FNIP2: variants seen among roughly 807,000 people sequenced by gnomAD.
The protein encoded by FNIP2 is folliculin interacting protein 2.
In FNIP2, 32 loss-of-function variants were observed where a neutral mutation model predicts 108.7. That is an observed-to-expected ratio of 0.29 (90% CI 0.22 to 0.40). The LOEUF (loss-of-function observed/expected upper bound fraction) is 0.40, where lower values mean the gene tolerates loss of function less well. Ranked by LOEUF, FNIP2 falls within the 10% of genes least tolerant of loss-of-function variation. The pLI, the probability that FNIP2 is intolerant of heterozygous loss-of-function variation, is 1.00. For missense variants in FNIP2, 1,202 were observed against 1,381.6 expected, an observed-to-expected ratio of 0.87 and a Z score of 2.06; for synonymous variants, 480 against 496.7, an observed-to-expected ratio of 0.97 and a Z score of 0.45.
chr4:158,819,944 G>A (rs1263799351), intron 1 of FNIP2, among the ~76,000 whole-genome samples: 1 of 152,198 alleles, frequency 6.6e-6, no homozygotes, highest in Non-Finnish European at 1.5e-5. Context: ...GGGTTAAAGA[G>A]TGGTTGGAAA....
At chr4:158,830,693 A>G (rs184663217) in intron 3 of FNIP2, among the ~76,000 whole-genome samples, 2 of 152,310 alleles carry the variant, frequency 1.3e-5, no homozygotes, top group East Asian at 3.9e-4. Flanking sequence ...TTGGAAGAGT[A>G]TGTTAAGGGT....
At chr4:158,836,402 G>A (rs1336542948) in intron 7 of FNIP2, 1 of 152,136 alleles carries the variant, frequency 6.6e-6, no homozygotes, top group Non-Finnish European at 1.5e-5. Context: ...GTTTACATAT[G>A]TCACATAATG....
At chr4:158,830,607 G>A (rs1778426625) in intron 3 of FNIP2, among the ~76,000 whole-genome samples, 1 of 152,216 alleles carries the variant, frequency 6.6e-6, no homozygotes, top group African/African-American at 2.4e-5. Flanking sequence ...GCATAAGTAA[G>A]TGTGTATTTG....
chr4:158,806,785 A>G (rs1042377191), intron 1 of FNIP2, among the ~76,000 whole-genome samples: 1 of 152,166 alleles, frequency 6.6e-6, no homozygotes, highest in Non-Finnish European at 1.5e-5. Context: ...CAGCACAGTT[A>G]GTAGATGGGG....
rs556722267 is a variant in FNIP2 at position 158,805,265 on chromosome 4, G to A, written c.108-20651G>A. ...GACTAAGAAAAGGAAAAGAATTGGG[G>A]CAATCCCTTGTAGTTTTGTATGTAA... On this transcript the variant is annotated intron_variant, in intron 1 of 16. Transcript: ENST00000264433. 3.3e-4 allele frequency among the ~76,000 whole-genome samples: 50 copies of A among 152,308 alleles called. 1 individual carries two copies. The Middle Eastern group carries it at 0.031, about 93-fold the overall frequency.
At chr4:158,848,830 T>A (rs939302790) in intron 7 of FNIP2, among the ~76,000 whole-genome samples, 1 of 152,202 alleles carries the variant, frequency 6.6e-6, no homozygotes, top group Non-Finnish European at 1.5e-5. Flanking sequence ...GCAATTGTCA[T>A]ACTGAAGAAT....
intron 1 of FNIP2, among the ~76,000 whole-genome samples, chr4:158,801,915 A>G (rs988715501): frequency 2.6e-5 from 4 of 152,176 alleles, no homozygotes; most frequent in African/African-American, 9.7e-5. Flanking sequence ...CCAAGTATTG[A>G]CAGACTTGGT....
intron 3 of FNIP2, 89 bp from the exon 4 acceptor site, chr4:158,831,772 G>A (rs900595190): frequency 9.9e-6 from 8 of 806,642 alleles, no homozygotes; most frequent in Non-Finnish European, 1.6e-5. Context: ...AATCACCGAT[G>A]ACACTAACGA....
chr4:158,864,516 T>C (rs867250412), intron 12 of FNIP2, among the ~76,000 whole-genome samples: 6 of 152,184 alleles, frequency 3.9e-5, no homozygotes, highest in Non-Finnish European at 8.8e-5. Flanking sequence ...GCCTTTAAGA[T>C]ACTAAACTCT....
chr4:158,787,051 G>A (rs1776248527), intron 1 of FNIP2, among the ~76,000 whole-genome samples: 1 of 152,068 alleles, frequency 6.6e-6, no homozygotes, highest in Admixed American at 6.5e-5. Flanking sequence ...CATGACTTCA[G>A]GTAGCTGATC....
chr4:158,901,674 G>C (rs1237615912), intron 16 of FNIP2, among the ~76,000 whole-genome samples: 1 of 151,724 alleles, frequency 6.6e-6, no homozygotes, highest in East Asian at 1.9e-4. Flanking sequence ...TTTCTTGGAG[G>C]CTTTGTTCGT....
At chr4:158,791,266 CTTTTTTTTTT>C (rs199714823) in intron 1 of FNIP2, among the ~76,000 whole-genome samples, 1 of 98,050 alleles carries the variant, frequency 1.0e-5, no homozygotes, top group African/African-American at 4.0e-5. Flanking sequence ...ACTGAGGATC[CTTTTTTTTTT>C]TTTTTTTTTT....
At chr4:158,779,248 A>T (rs1775955918) in intron 1 of FNIP2, among the ~76,000 whole-genome samples, 1 of 152,260 alleles carries the variant, frequency 6.6e-6, no homozygotes, top group African/African-American at 2.4e-5. Flanking sequence ...ATGTTTGTGC[A>T]CAAAGATGTT....
At chr4:158,833,973 C>A in intron 6 of FNIP2, 1 of 908,300 alleles carries the variant, frequency 1.1e-6, no homozygotes, top group Non-Finnish European at 1.5e-6. Flanking sequence ...CCTACTTGTG[C>A]CTCTCTAGAA....
intron 14 of FNIP2, 110 bp from the exon 15 acceptor site, chr4:158,891,336 C>A: frequency 1.0e-6 from 1 of 997,734 alleles, no homozygotes; most frequent in Non-Finnish European, 1.5e-6. Context: ...CTATCCATAA[C>A]TGCCTGGCTG....
chr4:158,871,961 T>C, intron 14 of FNIP2: 1 of 985,390 alleles, frequency 1.0e-6, no homozygotes, highest in Non-Finnish European at 1.2e-6. Context: ...ACCTTTTCTG[T>C]CCGCTCCTAT....
intron 1 of FNIP2, among the ~76,000 whole-genome samples, chr4:158,784,594 G>T (rs1230227560): frequency 6.6e-6 from 1 of 152,236 alleles, no homozygotes; most frequent in Admixed American, 6.5e-5. Flanking sequence ...CCCATCTGGG[G>T]TTGATGGGAG....
chr4:158,892,201 G>T (rs2126772080), intron 15 of FNIP2, among the ~76,000 whole-genome samples: 1 of 130,968 alleles, frequency 7.6e-6, no homozygotes, highest in South Asian at 2.5e-4. Flanking sequence ...GCAGTGGCAT[G>T]ATCTCTGCTC....
At chr4:158,873,247 G>A (rs1781063454) in intron 14 of FNIP2, among the ~76,000 whole-genome samples, 1 of 151,996 alleles carries the variant, frequency 6.6e-6, no homozygotes. Flanking sequence ...TTTTAGAGAA[G>A]GATTTTTAAC....
Sources: allele counts gnomAD v4.1 joint callset (sites outside exome capture counted in the v4.1 genomes callset), GRCh38; gene constraint gnomAD v4.1.1; transcripts MANE v1.5; gene names NCBI Gene and HGNC (gene_info 2026-07-23, HGNC 2026-07-21).